Variants in HSF5 observed in about 807,000 individuals in gnomAD.
HSF5 encodes heat shock factor protein 5.
Under a neutral mutation model 50.8 loss-of-function variants are expected in HSF5, and 5 were observed. The observed-to-expected ratio is 0.10, with a 90% CI of 0.05 to 0.21. HSF5 has a LOEUF of 0.21. HSF5 is among the 10% of genes least tolerant of loss of function. The pLI is 1.00. For missense variants in HSF5, 564 were observed against 762.6 expected (o/e 0.74, Z 3.07); for synonymous variants, 307 against 307.4 (o/e 1.00, Z 0.02).
intron 5 of HSF5, among the ~76,000 whole-genome samples, chr17:58,428,860 T>C (rs779386751): frequency 3.0e-4 from 46 of 152,086 alleles, no homozygotes; most frequent in Non-Finnish European, 5.7e-4. Context: ...AACATGGAAT[T>C]ACCATATGAC....
At chr17:58,467,897 GTTA>G (rs1183624153) in intron 2 of HSF5, among the ~76,000 whole-genome samples, 1 of 152,204 alleles carries the variant, frequency 6.6e-6, no homozygotes, top group African/African-American at 2.4e-5. Flanking sequence ...GTGAGAATCA[GTTA>G]TTAATATCAC....
intron 5 of HSF5, among the ~76,000 whole-genome samples, chr17:58,450,973 C>G (rs1030458861): frequency 7.9e-5 from 12 of 151,828 alleles, no homozygotes; most frequent in African/African-American, 2.9e-4. Flanking sequence ...CCTGTAATCC[C>G]AGCTACTTGG....
intron 4 of HSF5, among the ~76,000 whole-genome samples, chr17:58,459,306 T>C (rs375183479): frequency 6.6e-6 from 1 of 152,012 alleles, no homozygotes; most frequent in Non-Finnish European, 1.5e-5. Context: ...TGGGCTCAAG[T>C]GATCCTCCTG....
chr17:58,487,327 T>G (rs1430217562), intron 1 of HSF5, among the ~76,000 whole-genome samples: 1 of 152,222 alleles, frequency 6.6e-6, no homozygotes, highest in Non-Finnish European at 1.5e-5. Context: ...ACCCAATGTT[T>G]CAACGAAGGA....
intron 5 of HSF5, among the ~76,000 whole-genome samples, chr17:58,423,404 C>G (rs562450739): frequency 4.1e-4 from 62 of 150,810 alleles, no homozygotes; most frequent in Non-Finnish European, 6.8e-4. Context: ...GGAACACAGG[C>G]AGCAATAAAA....
At chr17:58,434,318 C>T (rs947251820) in intron 5 of HSF5, among the ~76,000 whole-genome samples, 2 of 151,928 alleles carry the variant, frequency 1.3e-5, no homozygotes, top group Non-Finnish European at 2.9e-5. Context: ...TGGCTCATGC[C>T]TATAATCCCA....
chr17:58,469,463 T>TA (rs1341066328), intron 2 of HSF5, among the ~76,000 whole-genome samples: 8 of 152,160 alleles, frequency 5.3e-5, no homozygotes, highest in Non-Finnish European at 2.9e-5. Context: ...AAATGGAAAG[T>TA]AAAACAGTAC....
At chr17:58,429,811 A>G (rs1016774427) in intron 5 of HSF5, among the ~76,000 whole-genome samples, 5 of 149,584 alleles carry the variant, frequency 3.3e-5, no homozygotes, top group Admixed American at 1.4e-4. Flanking sequence ...ACACCACTGC[A>G]CTCCAGCCTG....
At chr17:58,475,624 C>T (rs1975002381) in intron 2 of HSF5, among the ~76,000 whole-genome samples, 1 of 152,128 alleles carries the variant, frequency 6.6e-6, no homozygotes, top group South Asian at 2.1e-4. Context: ...ACATCTCAAA[C>T]CCACCCTTTG....
intron 5 of HSF5, among the ~76,000 whole-genome samples, chr17:58,430,323 C>T (rs1974346882): frequency 6.6e-6 from 1 of 152,160 alleles, no homozygotes; most frequent in African/African-American, 2.4e-5. Flanking sequence ...CTACCCACCT[C>T]AGCCTCCCAA....
intron 5 of HSF5, among the ~76,000 whole-genome samples, chr17:58,441,662 G>C (rs1022439610): frequency 7.2e-5 from 11 of 152,190 alleles, no homozygotes; most frequent in Non-Finnish European, 1.5e-5. Context: ...GTCCATGAAG[G>C]ATAGTGAACC....
chr17:58,443,097 C>T (rs1240856522), intron 5 of HSF5, among the ~76,000 whole-genome samples: 2 of 152,096 alleles, frequency 1.3e-5, no homozygotes, highest in African/African-American at 2.4e-5. Context: ...TTAGTAGAGA[C>T]GGGGTTTCAC....
intron 5 of HSF5, among the ~76,000 whole-genome samples, chr17:58,433,293 G>A (rs1211662412): frequency 2.6e-5 from 4 of 152,102 alleles, no homozygotes; most frequent in Non-Finnish European, 5.9e-5. Flanking sequence ...CACCACGCCT[G>A]GCCAATACTA....
chr17:58,428,282 A>C (rs1326156950), intron 5 of HSF5, among the ~76,000 whole-genome samples: 1 of 152,236 alleles, frequency 6.6e-6, no homozygotes, highest in Non-Finnish European at 1.5e-5. Context: ...TATAGTTCTC[A>C]AAACAATATA....
At chr17:58,428,660 GA>G (rs923025860) in intron 5 of HSF5, among the ~76,000 whole-genome samples, 1 of 151,796 alleles carries the variant, frequency 6.6e-6, no homozygotes, top group African/African-American at 2.4e-5. Context: ...CTCTGTCTCA[GA>G]AAAAAATAAA....
intron 5 of HSF5, among the ~76,000 whole-genome samples, chr17:58,443,505 C>T (rs910536349): frequency 8.5e-5 from 13 of 152,156 alleles, no homozygotes; most frequent in Non-Finnish European, 1.2e-4. Flanking sequence ...CTCTCGAGCC[C>T]TCTGCCTCAA....
chr17:58,473,074 C>G (rs147943814), intron 2 of HSF5, among the ~76,000 whole-genome samples: 2,056 of 152,124 alleles, frequency 0.014, 20 homozygotes, highest in Non-Finnish European at 0.019. Flanking sequence ...GCACAGTGGC[C>G]AAAAGAACAG....
chr17:58,439,446 A>G (rs914414181), intron 5 of HSF5, among the ~76,000 whole-genome samples: 2 of 152,144 alleles, frequency 1.3e-5, no homozygotes, highest in African/African-American at 4.8e-5. Context: ...CCAAAAAGGA[A>G]CAATTATAGA....
Position 58,488,348 on chromosome 17 carries a change from G to C in HSF5, c.-74C>G, listed in dbSNP as rs989593610. 1 of 1,358,168 alleles carries C rather than the reference G, an allele frequency of 7.4e-7. No individual in the cohort carries two copies. Among genetic ancestry groups the C allele is most frequent in the Non-Finnish European group, 9.4e-7 (1 of 1,063,006 alleles). The allele number at this position is 1,358,168 out of a possible 1,614,324, so 84.1% of individuals were successfully genotyped here. ...CGTTCTCGATCCCTCCCCGGCCTTC[G>C]CCTCGCCCTGCCCGCTCCTGCCGGC... On this transcript the variant is annotated 5_prime_UTR_variant, in exon 1 of 6. Transcript: ENST00000323777. The surrounding 1 kb of genome is among the most constrained non-coding windows in gnomAD (Gnocchi z 4.1).
Sources: allele counts gnomAD v4.1 joint callset (sites outside exome capture counted in the v4.1 genomes callset), GRCh38; gene constraint gnomAD v4.1.1; non-coding constraint Gnocchi (gnomAD v3.1); transcripts MANE v1.5; gene names NCBI Gene and HGNC (gene_info 2026-07-23, HGNC 2026-07-21).